The following LRP2BP variants were observed in gnomAD, a reference collection of about 807,000 sequenced individuals.
LRP2BP encodes the protein LRP2-binding protein.
In LRP2BP, 38 loss-of-function variants were observed where a neutral mutation model predicts 45.2. The ratio of observed to expected loss-of-function variants is 0.84; its 90% CI spans 0.65 to 1.10. The LOEUF is 1.10. Among genes scored for constraint, LRP2BP ranks in the 50% least tolerant of loss-of-function variants. LRP2BP has a pLI of 0.00. For synonymous variants in LRP2BP, 153 were observed against 153.9 expected (o/e 0.99, Z 0.04); for missense variants, 385 against 418.9 (o/e 0.92, Z 0.71).
In LRP2BP at chr4:185,395,347, G is replaced by A. The variant is rs1043278837; in HGVS notation, c.-590C>T. 5.9e-5 allele frequency: 58 copies of A among 985,250 alleles called. No individual in the cohort carries two copies. Among genetic ancestry groups the A allele is most frequent in the Non-Finnish European group, 7.0e-5 (58 of 829,892 alleles). 61.0% of individuals were successfully genotyped at this position (985,250 alleles called of 1,614,324 possible). ...TATTTATGTTCAAAACTGTAAGAAC[G>A]TGTCTGATACCCTTTATTAGTTAGG... On this transcript the variant is annotated 5_prime_UTR_variant, in exon 1 of 9. In the 5' UTR this introduces an upstream ATG that the reference lacks. Transcript: ENST00000505916.
intron 1 of LRP2BP, among the ~76,000 whole-genome samples, chr4:185,387,180 C>T (rs549254662): frequency 6.6e-6 from 1 of 152,188 alleles, no homozygotes; most frequent in Non-Finnish European, 1.5e-5. Context: ...CTGCAGTGAG[C>T]CGAGATTGCG....
chr4:185,371,261 T>A (rs115957650), intron 7 of LRP2BP, among the ~76,000 whole-genome samples: 1 of 152,066 alleles, frequency 6.6e-6, no homozygotes, highest in East Asian at 1.9e-4. Flanking sequence ...GACAATTGGC[T>A]GGGCGCGGTG....
intron 1 of LRP2BP, among the ~76,000 whole-genome samples, chr4:185,392,251 T>C (rs753970528): frequency 6.6e-6 from 1 of 152,176 alleles, no homozygotes; most frequent in African/African-American, 2.4e-5. Flanking sequence ...ATCACAACAG[T>C]GAAGAAGTGA....
Position 185,372,909 on chromosome 4 carries a change from C to T in LRP2BP, c.750G>A (p.Val250=). 1 of 1,613,166 alleles carries T rather than the reference C, an allele frequency of 6.2e-7. No individual in the cohort carries two copies. Among genetic ancestry groups the T allele is most frequent in the Non-Finnish European group, 8.5e-7 (1 of 1,179,190 alleles). ...AAAATTTCATCTTATAGTAATACTCCACGAGATTCCCTTGAGCATAGACGT... is the reference window on the plus strand; with the variant it reads ...AAAATTTCATCTTATAGTAATACTCTACGAGATTCCCTTGAGCATAGACGT... ...RGNVYAQGNL[V]EYYYKMKFFT... Residue 250 remains valine (V), a synonymous_variant, in exon 7 of 9, where the codon GTG becomes GTA. Coordinates refer to ENST00000505916, the MANE Select transcript of LRP2BP (RefSeq NM_001377440.1).
At chr4:185,384,840 A>G (rs2095465754) in intron 1 of LRP2BP, among the ~76,000 whole-genome samples, 1 of 152,118 alleles carries the variant, frequency 6.6e-6, no homozygotes, top group South Asian at 2.1e-4. Flanking sequence ...TCAAAAGACA[A>G]TACTGATTCA....
upstream of LRP2BP, chr4:185,396,748 C>G: frequency 1.5e-6 from 1 of 673,620 alleles, no homozygotes; most frequent in Non-Finnish European, 2.6e-6. Context: ...GAGGATTAGG[C>G]TGCTCGGGCG....
rs2095498395 is a variant in LRP2BP at position 185,395,129 on chromosome 4, G to A, written c.-372C>T. The A allele has an allele frequency of 1.0e-6, 1 of 985,322 alleles. No individual in the cohort carries two copies. The allele number at this position is 985,322 out of a possible 1,614,324, so 61.0% of individuals were successfully genotyped here. A position where few individuals can be genotyped will look rare whatever the true frequency, so the allele number is the denominator to read the frequency against. ...AACAATGTGAGCAATGGACAGGTAC[G>A]CTGTGATTAAAGGGAGAAAAGCTGT... is the stretch of plus-strand genomic sequence containing the variant. On this transcript the variant is annotated 5_prime_UTR_variant, in exon 1 of 9. Coordinates refer to ENST00000505916, the MANE Select transcript of LRP2BP (RefSeq NM_001377440.1).
chr4:185,371,349 C>G (rs533535802), intron 7 of LRP2BP, among the ~76,000 whole-genome samples: 1 of 151,934 alleles, frequency 6.6e-6, no homozygotes, highest in Admixed American at 6.6e-5. Context: ...ACCATCCTGG[C>G]TAACATGGTG....
chr4:185,373,441 G>C (rs1299297789), intron 6 of LRP2BP, among the ~76,000 whole-genome samples: 1 of 152,202 alleles, frequency 6.6e-6, no homozygotes. Flanking sequence ...GGAAACCACT[G>C]ATGCTAAGGG....
rs548577723 is a variant in LRP2BP, at chr4:185,368,897, G to A, written c.979-1652C>T. 1.3e-4 allele frequency among the ~76,000 whole-genome samples: 19 copies of A among 150,986 alleles called. No homozygotes were observed. The South Asian group carries it at 3.6e-3, about 29-fold the overall frequency. On this transcript the variant is annotated intron_variant, in intron 8 of 8. Transcript: ENST00000505916. Reference sequence around the variant, plus strand: ...CAGCCTCCTCCTTGCAGGTTCAAGCGATTCTCATGCCTCAGCCTCCCGAGT... The same window carrying A: ...CAGCCTCCTCCTTGCAGGTTCAAGCAATTCTCATGCCTCAGCCTCCCGAGT...
At position 185,365,041 on chromosome 4, in the gene LRP2BP, TAA is replaced by T. The variant is rs1401110043; in HGVS notation, c.*2137_*2138del. On this transcript the variant is annotated 3_prime_UTR_variant, in exon 9 of 9. Transcript: ENST00000505916. ...GTATGTGTGTGTGTGTGTGTGTGTGTAAGAGTAATGATCTGGAAGTCTCAATG... is the reference window on the plus strand; with the variant it reads ...GTATGTGTGTGTGTGTGTGTGTGTGTGAGTAATGATCTGGAAGTCTCAATG... 1 of 148,882 alleles carries T rather than the reference TAA, an allele frequency of 6.7e-6. No homozygotes were observed. Among genetic ancestry groups the T allele is most frequent in the East Asian group, 2.0e-4 (1 of 5,110 alleles). The allele number at this position is 148,882 out of a possible 1,614,324, so 9.2% of individuals were successfully genotyped here.
chr4:185,392,787 A>G (rs779476305), intron 1 of LRP2BP, among the ~76,000 whole-genome samples: 1 of 152,216 alleles, frequency 6.6e-6, no homozygotes, highest in Non-Finnish European at 1.5e-5. Context: ...TCTGGTCAGC[A>G]TTGATATACC....
At position 185,395,761 on chromosome 4, in the gene LRP2BP, C is replaced by T. The variant is rs1424851680; in HGVS notation, c.-1004G>A. 1.0e-6 allele frequency: 1 copy of T among 985,264 alleles called. No individual in the cohort carries two copies. Among genetic ancestry groups the T allele is most frequent in the Non-Finnish European group, 1.2e-6 (1 of 829,934 alleles). The allele number at this position is 985,264 out of a possible 1,614,324, so 61.0% of individuals were successfully genotyped here. On this transcript the variant is annotated 5_prime_UTR_variant, in exon 1 of 9. The change abolishes an upstream ATG in the 5' untranslated region. Transcript: ENST00000505916. ...AGACCACTTATCTTTAGAGGACAAG[C>T]ATGAACTTGTTTTCTAACAGCATAA... is the stretch of plus-strand genomic sequence containing the variant.
In LRP2BP at chr4:185,395,130, CTG is replaced by C. The variant is rs1444019431; in HGVS notation, c.-375_-374del. ...ACAATGTGAGCAATGGACAGGTACG[CTG>C]TGATTAAAGGGAGAAAAGCTGTAAC... On this transcript the variant is annotated 5_prime_UTR_variant, in exon 1 of 9. Coordinates refer to ENST00000505916, the MANE Select transcript of LRP2BP (RefSeq NM_001377440.1). 7.1e-6 allele frequency: 7 copies of C among 985,222 alleles called. No individual in the cohort carries two copies. Among genetic ancestry groups the C allele is most frequent in the Non-Finnish European group, 8.4e-6 (7 of 829,928 alleles). 61.0% of individuals were successfully genotyped at this position (985,222 alleles called of 1,614,324 possible). A position where few individuals can be genotyped will look rare whatever the true frequency, so the allele number is the denominator to read the frequency against.
chr4:185,386,437 T>A (rs2095472047), intron 1 of LRP2BP, among the ~76,000 whole-genome samples: 1 of 152,198 alleles, frequency 6.6e-6, no homozygotes, highest in South Asian at 2.1e-4. Flanking sequence ...TGCAAAAAAC[T>A]ATTAACATTT....
At chr4:185,371,563 A>G (rs63032061) in intron 7 of LRP2BP, among the ~76,000 whole-genome samples, 12 of 128,364 alleles carry the variant, frequency 9.3e-5, no homozygotes, top group South Asian at 5.1e-4. Context: ...AAAAAAAAAA[A>G]GGATAATGGA....
chr4:185,390,857 CAG>C (rs1283537569), intron 1 of LRP2BP: 5 of 152,218 alleles, frequency 3.3e-5, no homozygotes, highest in African/African-American at 4.8e-5. Context: ...AAGGATACCA[CAG>C]AGTGTCCCTC....
intron 1 of LRP2BP, chr4:185,378,647 G>T: frequency 6.1e-6 from 6 of 987,504 alleles, no homozygotes; most frequent in Non-Finnish European, 7.2e-6. Context: ...ATTTTACCTG[G>T]GAATACACTT....
chr4:185,395,545 A>G lies in LRP2BP; in HGVS notation c.-788T>C, dbSNP rs2095499698. ...CGTTCTTTAAACATCATTAAAAGAT[A>G]TTGTGAATAGTTTAAATATTAAAAA... is the stretch of plus-strand genomic sequence containing the variant. On this transcript the variant is annotated 5_prime_UTR_variant, in exon 1 of 9. Coordinates refer to ENST00000505916, the MANE Select transcript of LRP2BP (RefSeq NM_001377440.1). 1.0e-6 allele frequency: 1 copy of G among 983,468 alleles called. No homozygotes were observed. The highest frequency in any genetic ancestry group is 1.7e-5 in the African/African-American group (1 of 57,162). The allele number at this position is 983,468 out of a possible 1,614,324, so 60.9% of individuals were successfully genotyped here.
Sources: gnomAD v4.1 joint callset for allele counts (sites outside exome capture counted in the v4.1 genomes callset) on GRCh38, gnomAD v4.1.1 for gene constraint, MANE v1.5 for transcripts, NCBI Gene and HGNC (gene_info 2026-07-23, HGNC 2026-07-21) for gene names.